The following HOMER1 variants were observed in gnomAD, a reference collection of about 807,000 sequenced individuals.
The protein encoded by HOMER1 is homer protein homolog 1.
In HOMER1, 3 loss-of-function variants were observed where a neutral mutation model predicts 48.9. The ratio of observed to expected loss-of-function variants is 0.06; its 90% confidence interval spans 0.03 to 0.16. HOMER1 has a LOEUF of 0.16. HOMER1 is among the 10% of genes least tolerant of loss of function. The pLI is 1.00. For missense variants in HOMER1, 247 were observed against 411.4 expected (o/e 0.60, Z 3.46); for synonymous variants, 134 against 146.4 (o/e 0.92, Z 0.61).
chr5:79,377,495 C>G, intron 8 of HOMER1, among the ~76,000 whole-genome samples: 1 of 152,180 alleles, frequency 6.6e-6, no homozygotes, highest in East Asian at 1.9e-4. Flanking sequence ...TTGAGAGAAA[C>G]TAAGTGACTG....
chr5:79,456,803 A>G (rs1456769598), intron 2 of HOMER1, 59 bp downstream of exon 2: 13 of 1,480,600 alleles, frequency 8.8e-6, no homozygotes, highest in Non-Finnish European at 1.0e-5. Context: ...GAATAGAACT[A>G]AAATGTCATA....
chr5:79,510,252 G>C (rs1486109381), intron 1 of HOMER1, among the ~76,000 whole-genome samples: 1 of 150,816 alleles, frequency 6.6e-6, no homozygotes, highest in Admixed American at 6.6e-5. Context: ...TCCATATATA[G>C]AACTTTATTA....
intron 1 of HOMER1, among the ~76,000 whole-genome samples, chr5:79,467,386 C>A (rs1751499644): frequency 1.1e-5 from 1 of 91,898 alleles, no homozygotes. Context: ...AGTGAAACTC[C>A]ATCTCAAAAA....
At chr5:79,417,411 G>C (rs564029923) in intron 5 of HOMER1, among the ~76,000 whole-genome samples, 29 of 152,086 alleles carry the variant, frequency 1.9e-4, no homozygotes, top group Non-Finnish European at 3.2e-4. Flanking sequence ...CAAAGTGCTG[G>C]GATTATAGGC....
intron 5 of HOMER1, among the ~76,000 whole-genome samples, chr5:79,406,731 T>G (rs1749671637): frequency 6.6e-6 from 1 of 152,174 alleles, no homozygotes; most frequent in Admixed American, 6.5e-5. Context: ...TAAAACACTG[T>G]AACTCTGTGA....
intron 1 of HOMER1, among the ~76,000 whole-genome samples, chr5:79,509,048 T>C (rs571667309): frequency 1.3e-5 from 2 of 152,328 alleles, no homozygotes; most frequent in African/African-American, 4.8e-5. Flanking sequence ...GATCAAGATT[T>C]TCACATTTTT....
intron 1 of HOMER1, among the ~76,000 whole-genome samples, chr5:79,475,110 A>C (rs1334599696): frequency 1.3e-5 from 2 of 152,220 alleles, no homozygotes; most frequent in African/African-American, 2.4e-5. Context: ...TAAAGAGCTT[A>C]ACATGTGGTC....
At chr5:79,380,135 T>C (rs1262787240) in intron 8 of HOMER1, among the ~76,000 whole-genome samples, 1 of 152,052 alleles carries the variant, frequency 6.6e-6, no homozygotes, top group Non-Finnish European at 1.5e-5. Context: ...TTCCCCAATA[T>C]GGATAAAGGG....
At chr5:79,483,370 A>G (rs548846776) in intron 1 of HOMER1, among the ~76,000 whole-genome samples, 2 of 152,308 alleles carry the variant, frequency 1.3e-5, no homozygotes, top group African/African-American at 4.8e-5. Flanking sequence ...TACCCAAGTG[A>G]ATTTAGGGTA....
chr5:79,427,650 ACCTTCCTTCCTT>A lies in HOMER1; in HGVS notation c.527+11348_527+11359del, dbSNP rs1178778660. Among the ~76,000 whole-genome samples, 9 of 104,530 alleles carry A rather than the reference ACCTTCCTTCCTT, an allele frequency of 8.6e-5. No homozygotes were observed. In the South Asian group the frequency reaches 1.8e-3, roughly 21 times the overall value. The allele number at this position is 104,530 out of a possible 152,430, so 68.6% of individuals were successfully genotyped here. Reference sequence around the variant, plus strand: ...CCTTTCCTTCCTTCCTTTCCTTCCTACCTTCCTTCCTTCCTTTCCTTCCCTTCCTTCCTTCCC... The same window carrying A: ...CCTTTCCTTCCTTCCTTTCCTTCCTACCTTTCCTTCCCTTCCTTCCTTCCC... On this transcript the variant is annotated intron_variant, in intron 5 of 8. Coordinates refer to ENST00000334082, the MANE Select transcript of HOMER1 (RefSeq NM_004272.5).
At chr5:79,489,842 T>G (rs1240316687) in intron 1 of HOMER1, among the ~76,000 whole-genome samples, 1 of 152,184 alleles carries the variant, frequency 6.6e-6, no homozygotes, top group African/African-American at 2.4e-5. Context: ...ATGCTACATT[T>G]TTTAGGTGAA....
intron 1 of HOMER1, among the ~76,000 whole-genome samples, chr5:79,461,280 G>A (rs1751310440): frequency 6.6e-6 from 1 of 152,178 alleles, no homozygotes; most frequent in South Asian, 2.1e-4. Flanking sequence ...AAAAAGACCT[G>A]TAATACATTT....
At chr5:79,460,155 C>A (rs143302355) in intron 1 of HOMER1, among the ~76,000 whole-genome samples, 1 of 152,250 alleles carries the variant, frequency 6.6e-6, no homozygotes, top group East Asian at 1.9e-4. Flanking sequence ...TAGCTCAGCT[C>A]CAGCTTTGCA....
chr5:79,454,901 C>T (rs6874510), intron 2 of HOMER1, among the ~76,000 whole-genome samples: 2 of 152,024 alleles, frequency 1.3e-5, no homozygotes, highest in African/African-American at 4.8e-5. Flanking sequence ...CTTTTCACAA[C>T]AACCCTATGG....
chr5:79,506,464 G>A (rs1752769699), intron 1 of HOMER1, among the ~76,000 whole-genome samples: 1 of 152,144 alleles, frequency 6.6e-6, no homozygotes. Context: ...CTAAAATTAA[G>A]AACATAAGTT....
intron 1 of HOMER1, chr5:79,510,772 G>A: frequency 4.0e-6 from 3 of 758,722 alleles, no homozygotes; most frequent in South Asian, 2.7e-5. Context: ...CATTGCCAAG[G>A]GGCTCAGGGT....
intron 1 of HOMER1, chr5:79,510,387 C>G: frequency 3.5e-6 from 2 of 579,334 alleles, no homozygotes; most frequent in East Asian, 8.1e-5. Flanking sequence ...TTCATCCTGT[C>G]TCTTCAGATT....
At chr5:79,390,038 C>A (rs1189276616) in intron 8 of HOMER1, among the ~76,000 whole-genome samples, 1 of 152,124 alleles carries the variant, frequency 6.6e-6, no homozygotes, top group Non-Finnish European at 1.5e-5. Context: ...GTAATCCTGG[C>A]ACTTTGGGAG....
In HOMER1 at chr5:79,481,827, T is replaced by C. The variant is rs145700728; in HGVS notation, c.6-24809A>G. On this transcript the variant is annotated intron_variant, in intron 1 of 8. Coordinates refer to ENST00000334082, the MANE Select transcript of HOMER1 (RefSeq NM_004272.5). The stretch of plus-strand genomic sequence containing the variant: ...AATTAGCTGTACAGTAAAAGGCTGC[T>C]CTGGTCCCACACAACACAGCTTAAA... Among the ~76,000 whole-genome samples, 540 of 152,326 alleles carry C rather than the reference T, an allele frequency of 3.5e-3. 4 individuals carry two copies. Among genetic ancestry groups the C allele is most frequent in the African/African-American group, 0.012 (519 of 41,576 alleles).
Sources: allele counts gnomAD v4.1 joint callset (sites outside exome capture counted in the v4.1 genomes callset), GRCh38; gene constraint gnomAD v4.1.1; transcripts MANE v1.5; gene names NCBI Gene and HGNC (gene_info 2026-07-23, HGNC 2026-07-21).